Variants in GRM7 observed in about 807,000 individuals in gnomAD.
GRM7 encodes metabotropic glutamate receptor 7.
A neutral mutation model predicts 84.5 loss-of-function variants in GRM7; 35 were observed. The ratio of observed to expected loss-of-function variants is 0.41; its 90% CI spans 0.32 to 0.55. GRM7 has a LOEUF of 0.55. GRM7 is among the 20% of genes least tolerant of loss of function. The pLI is 0.19. For missense variants in GRM7, 1,003 were observed against 1,194.6 expected (o/e 0.84, Z 2.36); for synonymous variants, 487 against 455.1 (o/e 1.07, Z -0.89).
intron 8 of GRM7, among the ~76,000 whole-genome samples, chr3:7,583,387 T>C (rs1187428221): frequency 6.6e-6 from 1 of 152,198 alleles, no homozygotes; most frequent in Admixed American, 6.5e-5. Flanking sequence ...GGCAGGTAGA[T>C]AAATGTTTCT....
intron 1 of GRM7, among the ~76,000 whole-genome samples, chr3:7,133,482 C>A (rs1436810046): frequency 1.3e-5 from 2 of 152,206 alleles, no homozygotes; most frequent in African/African-American, 4.8e-5. Context: ...CTGGATGGCT[C>A]CTGTGGCCCC....
intron 1 of GRM7, among the ~76,000 whole-genome samples, chr3:7,018,790 C>T (rs1248021740): frequency 2.0e-5 from 3 of 152,150 alleles, no homozygotes; most frequent in Non-Finnish European, 4.4e-5. Flanking sequence ...AAGTTAATAG[C>T]GTTGCTTAAA....
intron 1 of GRM7, among the ~76,000 whole-genome samples, chr3:6,921,328 G>T (rs1697117139): frequency 6.6e-6 from 1 of 152,142 alleles, no homozygotes; most frequent in South Asian, 2.1e-4. Context: ...GCCTTCTGCT[G>T]AACAGGAGGC....
At chr3:7,676,375 C>T (rs1313164564) in intron 8 of GRM7, among the ~76,000 whole-genome samples, 5 of 152,074 alleles carry the variant, frequency 3.3e-5, no homozygotes. Context: ...GCCTTCATAC[C>T]TACATATAGT....
At chr3:7,390,145 T>G (rs6787020) in intron 4 of GRM7, among the ~76,000 whole-genome samples, 81,564 of 151,856 alleles carry the variant, frequency 0.54, 22,349 homozygotes, top group Non-Finnish European at 0.61. Context: ...AATTCTCAGC[T>G]GGCATTTTTT....
intron 1 of GRM7, among the ~76,000 whole-genome samples, chr3:6,881,252 C>T (rs569660858): frequency 1.2e-3 from 182 of 152,186 alleles, no homozygotes; most frequent in African/African-American, 4.2e-3. Context: ...GTATTAAGCC[C>T]AGCATGCATT....
At chr3:7,513,759 T>A (rs182063946) in intron 7 of GRM7, among the ~76,000 whole-genome samples, 35 of 152,300 alleles carry the variant, frequency 2.3e-4, no homozygotes, top group Middle Eastern at 3.4e-3. Flanking sequence ...AATAAAAATT[T>A]TAAAAAATTA....
chr3:7,277,633 T>A (rs1699120942), intron 2 of GRM7, among the ~76,000 whole-genome samples: 1 of 152,196 alleles, frequency 6.6e-6, no homozygotes, highest in African/African-American at 2.4e-5. Flanking sequence ...CTTACACATT[T>A]TCTTCTTTTT....
At chr3:7,311,369 C>A (rs1700385812) in intron 4 of GRM7, among the ~76,000 whole-genome samples, 1 of 151,342 alleles carries the variant, frequency 6.6e-6, no homozygotes, top group African/African-American at 2.5e-5. Context: ...TAGGTGAAAT[C>A]CCACAGGGAA....
chr3:6,962,660 T>C (rs1170844275), intron 1 of GRM7, among the ~76,000 whole-genome samples: 3 of 152,194 alleles, frequency 2.0e-5, no homozygotes, highest in African/African-American at 7.2e-5. Context: ...TTAGTGTAAG[T>C]AGTTTGTTAA....
intron 8 of GRM7, among the ~76,000 whole-genome samples, chr3:7,581,685 T>C (rs896242977): frequency 3.3e-5 from 5 of 152,204 alleles, no homozygotes; most frequent in African/African-American, 1.2e-4. Context: ...GTTTAAGTGT[T>C]TTAAATCAAA....
chr3:7,469,344 G>A (rs1454465641), intron 7 of GRM7, among the ~76,000 whole-genome samples: 1 of 152,182 alleles, frequency 6.6e-6, no homozygotes, highest in African/African-American at 2.4e-5. Context: ...TGATTTTGGT[G>A]TTTGTTATGT....
intron 8 of GRM7, among the ~76,000 whole-genome samples, chr3:7,645,284 C>G (rs926194203): frequency 6.6e-6 from 1 of 152,038 alleles, no homozygotes; most frequent in Non-Finnish European, 1.5e-5. Flanking sequence ...CACAGTGGCT[C>G]ACGCCTGTAA....
At chr3:7,084,751 A>G (rs1219672114) in intron 1 of GRM7, among the ~76,000 whole-genome samples, 1 of 152,148 alleles carries the variant, frequency 6.6e-6, no homozygotes, top group Non-Finnish European at 1.5e-5. Context: ...TTGTACGTAG[A>G]CTTATATATT....
At chr3:7,577,226 C>T (rs1695009551) in intron 7 of GRM7, among the ~76,000 whole-genome samples, 1 of 152,296 alleles carries the variant, frequency 6.6e-6, no homozygotes, top group South Asian at 2.1e-4. Flanking sequence ...AACATGGTTC[C>T]TGAACAATCC....
At chr3:7,631,390 T>G (rs1191337133) in intron 8 of GRM7, among the ~76,000 whole-genome samples, 1 of 152,068 alleles carries the variant, frequency 6.6e-6, no homozygotes, top group African/African-American at 2.4e-5. Flanking sequence ...CACAGGAGAA[T>G]GGAAGCCATG....
chr3:7,232,822 A>G (rs184486989), intron 2 of GRM7, among the ~76,000 whole-genome samples: 72 of 152,262 alleles, frequency 4.7e-4, no homozygotes, highest in African/African-American at 1.6e-3. Context: ...GATGCACTCA[A>G]TTTAGGGTTG....
chr3:6,881,159 G>T (rs1203593121), intron 1 of GRM7, among the ~76,000 whole-genome samples: 1 of 151,874 alleles, frequency 6.6e-6, no homozygotes, highest in East Asian at 1.9e-4. Flanking sequence ...TTAGTTCTGG[G>T]GTACATGTGC....
chr3:7,033,007 G>T (rs1307062148), intron 1 of GRM7, among the ~76,000 whole-genome samples: 1 of 152,176 alleles, frequency 6.6e-6, no homozygotes, highest in Non-Finnish European at 1.5e-5. Context: ...GAGGCTGGAA[G>T]TCTGAAATCA....
Sources: gnomAD v4.1 joint callset for allele counts (sites outside exome capture counted in the v4.1 genomes callset) on GRCh38, gnomAD v4.1.1 for gene constraint, MANE v1.5 for transcripts, NCBI Gene and HGNC (gene_info 2026-07-23, HGNC 2026-07-21) for gene names.